The following ZSWIM5 variants were observed in gnomAD, a reference collection of about 807,000 sequenced individuals.
ZSWIM5 encodes zinc finger SWIM domain-containing protein 5.
Under a neutral mutation model 119.6 loss-of-function variants are expected in ZSWIM5, and 55 were observed. The ratio of observed to expected loss-of-function variants is 0.46; its 90% CI spans 0.37 to 0.58. ZSWIM5 has a LOEUF of 0.58. ZSWIM5 is among the 20% of genes least tolerant of loss of function. The pLI is 0.00. For missense variants in ZSWIM5, 1,193 were observed against 1,512.8 expected, an observed-to-expected ratio of 0.79 and a Z score of 3.51; for synonymous variants, 537 against 606.9, an observed-to-expected ratio of 0.88 and a Z score of 1.69.
chr1:45,065,316 G>A (rs1645176702), intron 2 of ZSWIM5, among the ~76,000 whole-genome samples: 1 of 152,160 alleles, frequency 6.6e-6, no homozygotes, highest in Non-Finnish European at 1.5e-5. Flanking sequence ...CTGACCCTGG[G>A]GTGGTTAAGT....
At chr1:45,079,512 G>A (rs1645276379) in intron 2 of ZSWIM5, among the ~76,000 whole-genome samples, 1 of 152,094 alleles carries the variant, frequency 6.6e-6, no homozygotes, top group African/African-American at 2.4e-5. Flanking sequence ...CACCCTTCAG[G>A]GCAGTGCACT....
At chr1:45,097,872 G>A (rs1645412570) in intron 1 of ZSWIM5, among the ~76,000 whole-genome samples, 1 of 152,036 alleles carries the variant, frequency 6.6e-6, no homozygotes, top group Non-Finnish European at 1.5e-5. Flanking sequence ...CGGCTATTGA[G>A]TTCTAATTGT....
intron 1 of ZSWIM5, among the ~76,000 whole-genome samples, chr1:45,169,933 C>G (rs964142564): frequency 1.3e-5 from 2 of 151,892 alleles, no homozygotes; most frequent in African/African-American, 4.8e-5. Flanking sequence ...AAAAAAATTC[C>G]ACACGGTTAA....
At chr1:45,126,596 TA>T (rs1229477410) in intron 1 of ZSWIM5, among the ~76,000 whole-genome samples, 12 of 152,070 alleles carry the variant, frequency 7.9e-5, no homozygotes, top group Non-Finnish European at 4.4e-5. Flanking sequence ...TGGAGAATCC[TA>T]CCAAATGTTC....
chr1:45,066,132 G>A (rs569692680), intron 2 of ZSWIM5, among the ~76,000 whole-genome samples: 2 of 150,404 alleles, frequency 1.3e-5, no homozygotes, highest in African/African-American at 2.4e-5. Flanking sequence ...TTGTCCTTGC[G>A]ATAGTTTGCT....
chr1:45,038,924 T>A lies in ZSWIM5; in HGVS notation c.1894+12A>T. 6.2e-7 allele frequency: 1 copy of A among 1,612,848 alleles called. No homozygotes were observed. Among genetic ancestry groups the A allele is most frequent in the Non-Finnish European group, 8.5e-7 (1 of 1,179,848 alleles). On this transcript the variant is annotated intron_variant, in intron 8 of 13. Coordinates refer to ENST00000359600, the MANE Select transcript of ZSWIM5 (RefSeq NM_020883.2). ...AGGGCAGTCTTGGTTTGCCTCAGGC[T>A]GACCCCTGTACCTGACATCTCCAGA...
chr1:45,060,188 C>T lies in ZSWIM5; in HGVS notation c.1012G>A (p.Glu338Lys). The T allele has an allele frequency of 6.2e-7, 1 of 1,614,176 alleles. No individual in the cohort carries two copies. The highest frequency in any genetic ancestry group is 8.5e-7 in the Non-Finnish European group (1 of 1,180,024). The change falls in exon 3 of 14, where the codon GAA becomes AAA. Residue 338 changes from glutamate to lysine, a missense_variant. Physicochemically the swap from Glu to Lys is moderately conservative, Grantham distance 56 (BLOSUM62 1). Coordinates refer to ENST00000359600, the MANE Select transcript of ZSWIM5 (RefSeq NM_020883.2). Reference sequence around the variant, plus strand: ...TTCACTTGTTCTTTCACCTGTTCTTCATCCAAATGCCAACAGTTCTCATCG... The same window carrying T: ...TTCACTTGTTCTTTCACCTGTTCTTTATCCAAATGCCAACAGTTCTCATCG... ...IDDENCWHLD[E>K]EQVKEQVKLF...
chr1:45,148,622 T>C (rs1645777270), intron 1 of ZSWIM5, among the ~76,000 whole-genome samples: 1 of 152,214 alleles, frequency 6.6e-6, no homozygotes, highest in Admixed American at 6.5e-5. Flanking sequence ...TACACTTGTC[T>C]GGCACCATGC....
At chr1:45,197,323 GA>G (rs1448493529) in intron 1 of ZSWIM5, among the ~76,000 whole-genome samples, 2 of 152,012 alleles carry the variant, frequency 1.3e-5, no homozygotes, top group Non-Finnish European at 2.9e-5. Context: ...CTTCTACTTT[GA>G]TCTACTGATC....
chr1:45,020,155 C>A lies in ZSWIM5; in HGVS notation c.2614-8G>T, dbSNP rs200140889. ...TAAGGTCATCCGCATCACCTGGGCA[C>A]AAAAGAGGCCTTTCCAGTGGGCTAT... On this transcript the variant is annotated splice_region_variant and splice_polypyrimidine_tract_variant and intron_variant, in intron 12 of 13. Coordinates refer to ENST00000359600, the MANE Select transcript of ZSWIM5 (RefSeq NM_020883.2). The A allele has an allele frequency of 2.2e-5, 35 of 1,613,888 alleles. No individual in the cohort carries two copies. Among genetic ancestry groups the A allele is most frequent in the Non-Finnish European group, 2.9e-5 (34 of 1,179,778 alleles).
intron 1 of ZSWIM5, among the ~76,000 whole-genome samples, chr1:45,116,707 T>G (rs1252153996): frequency 6.6e-6 from 1 of 152,156 alleles, no homozygotes; most frequent in Non-Finnish European, 1.5e-5. Context: ...ATTAAAAAAA[T>G]TATTTGACTA....
intron 1 of ZSWIM5, 140 bp downstream of exon 1, chr1:45,205,616 T>C (rs1302229481): frequency 2.2e-6 from 2 of 902,976 alleles, no homozygotes; most frequent in Non-Finnish European, 3.0e-6. Context: ...TTGAAAAAAG[T>C]TTTTGTGACT....
intron 1 of ZSWIM5, among the ~76,000 whole-genome samples, chr1:45,129,501 C>G (rs184547462): frequency 1.3e-5 from 2 of 152,010 alleles, no homozygotes; most frequent in East Asian, 3.9e-4. Flanking sequence ...GTTTCTCTTT[C>G]TTTTTTTGGT....
intron 1 of ZSWIM5, among the ~76,000 whole-genome samples, chr1:45,177,511 T>G (rs1645988604): frequency 6.6e-6 from 1 of 152,110 alleles, no homozygotes; most frequent in African/African-American, 2.4e-5. Context: ...CAGAGGGGTA[T>G]GCAAAATATA....
At chr1:45,074,671 C>T (rs187003471) in intron 2 of ZSWIM5, among the ~76,000 whole-genome samples, 2 of 151,552 alleles carry the variant, frequency 1.3e-5, no homozygotes, top group Admixed American at 1.3e-4. Context: ...AAAAAACCAA[C>T]CTTTTGTTTT....
At chr1:45,100,791 A>C (rs1365986683) in intron 1 of ZSWIM5, among the ~76,000 whole-genome samples, 20 of 152,298 alleles carry the variant, frequency 1.3e-4, no homozygotes, top group Admixed American at 7.9e-4. Flanking sequence ...CAAAAACAAG[A>C]AATGGGGAAA....
Position 45,205,868 on chromosome 1 carries a change from G to A in ZSWIM5, c.483C>T (p.Ser161=). The A allele has an allele frequency of 1.5e-6, 2 of 1,345,898 alleles. No individual in the cohort carries two copies. Among genetic ancestry groups the A allele is most frequent in the South Asian group, 2.9e-5 (2 of 67,874 alleles). 83.4% of individuals were successfully genotyped at this position (1,345,898 alleles called of 1,614,324 possible). A position where few individuals can be genotyped will look rare whatever the true frequency, so the allele number is the denominator to read the frequency against. The change falls in exon 1 of 14, where the codon TCC becomes TCT. Residue 161 remains serine (S), a synonymous_variant. Coordinates refer to ENST00000359600, the MANE Select transcript of ZSWIM5 (RefSeq NM_020883.2). Reference sequence around the variant, plus strand: ...CGCCGGCCCCTGCGCCCAGCCCGGGGGATGCCCCAGCCGCGACGCCCCCGG... The same window carrying A: ...CGCCGGCCCCTGCGCCCAGCCCGGGAGATGCCCCAGCCGCGACGCCCCCGG... The part of the protein sequence containing the change: ...SAPGGVAAGA[S]PGLGAGAGAA...
At chr1:45,105,630 G>T (rs1645468166) in intron 1 of ZSWIM5, among the ~76,000 whole-genome samples, 1 of 148,372 alleles carries the variant, frequency 6.7e-6, no homozygotes, top group African/African-American at 2.5e-5. Context: ...CCTCTGCCCG[G>T]CCGCCCTGTC....
chr1:45,123,552 T>C (rs1159461890), intron 1 of ZSWIM5, among the ~76,000 whole-genome samples: 2 of 152,038 alleles, frequency 1.3e-5, no homozygotes, highest in Admixed American at 1.3e-4. Context: ...AATTACCTAA[T>C]CTGAAAAACA....
Sources: allele counts gnomAD v4.1 joint callset (sites outside exome capture counted in the v4.1 genomes callset), GRCh38; gene constraint gnomAD v4.1.1; transcripts MANE v1.5; gene names NCBI Gene and HGNC (gene_info 2026-07-23, HGNC 2026-07-21).